TOGARAM1: variants seen among roughly 807,000 people sequenced by gnomAD.
The protein encoded by TOGARAM1 is TOG array regulator of axonemal microtubules protein 1.
A neutral mutation model predicts 166.6 loss-of-function variants in TOGARAM1; 100 were observed. The observed-to-expected ratio is 0.60, with a 90% CI of 0.51 to 0.71. TOGARAM1 has a LOEUF of 0.71. TOGARAM1 is among the 30% of genes least tolerant of loss of function. TOGARAM1 has a pLI of 0.00. For missense variants in TOGARAM1, 2,029 were observed against 2,102.7 expected (o/e 0.96, Z 0.69); for synonymous variants, 758 against 763.8 (o/e 0.99, Z 0.13).
At chr14:44,977,790 C>T (rs1178734809) in intron 1 of TOGARAM1, among the ~76,000 whole-genome samples, 1 of 152,048 alleles carries the variant, frequency 6.6e-6, no homozygotes, top group African/African-American at 2.4e-5. Context: ...GGACTACAGG[C>T]GTGTGCCACC....
intron 10 of TOGARAM1, among the ~76,000 whole-genome samples, chr14:45,030,211 C>T (rs1881079337): frequency 6.6e-6 from 1 of 152,092 alleles, no homozygotes; most frequent in Admixed American, 6.6e-5. Flanking sequence ...AAATAACATT[C>T]TTCAGGTGAA....
Position 44,995,762 on chromosome 14 carries a change from T to C in TOGARAM1, c.2063T>C (p.Phe688Ser). 1 of 1,576,934 alleles carries C rather than the reference T, an allele frequency of 6.3e-7. No homozygotes were observed. The highest frequency in any genetic ancestry group is 1.2e-5 in the South Asian group (1 of 84,174). The part of the protein sequence containing the change: ...KDIEQFSTYD[F>S]IPSAKLKLSQ... ...TTCTTATAGTTTTCAACATATGATT[T>C]CATCCCATCTGCAAAATTAAAGCTT... Residue 688 changes from phenylalanine (F) to serine (S), a missense_variant, in exon 2 of 20, where the codon TTC becomes TCC. Coordinates refer to ENST00000361462, the MANE Select transcript of TOGARAM1 (RefSeq NM_001308120.2).
At chr14:45,047,443 A>AT (rs1305540634) in intron 14 of TOGARAM1, among the ~76,000 whole-genome samples, 2 of 152,040 alleles carry the variant, frequency 1.3e-5, no homozygotes, top group African/African-American at 4.8e-5. Context: ...ACAATATATT[A>AT]TCCTACAAAA....
intron 1 of TOGARAM1, among the ~76,000 whole-genome samples, chr14:44,986,742 C>T (rs1432186290): frequency 6.6e-6 from 1 of 151,484 alleles, no homozygotes; most frequent in Non-Finnish European, 1.5e-5. Context: ...CGCGGTGGCT[C>T]GAGCCTGTAA....
chr14:44,981,278 A>G (rs1040756958), intron 1 of TOGARAM1, among the ~76,000 whole-genome samples: 2 of 152,222 alleles, frequency 1.3e-5, no homozygotes, highest in Admixed American at 6.5e-5. Context: ...GTGAGAATGG[A>G]TGGGCTGTCC....
intron 13 of TOGARAM1, among the ~76,000 whole-genome samples, chr14:45,045,577 ATATATATGTGTGTGTGTGTGTGTGTGTG>A (rs1166581014): frequency 1.2e-3 from 43 of 37,330 alleles, no homozygotes; most frequent in African/African-American, 6.9e-3. Flanking sequence ...ATATATATAT[ATATATATGTGTGTGTGTGTGTGTGTGTG>A]TGTGTGTGTG....
chr14:45,026,312 G>A (rs967733134), intron 8 of TOGARAM1, among the ~76,000 whole-genome samples: 1 of 152,022 alleles, frequency 6.6e-6, no homozygotes, highest in African/African-American at 2.4e-5. Flanking sequence ...CAAAATTATT[G>A]CAAGTATCCT....
intron 14 of TOGARAM1, among the ~76,000 whole-genome samples, chr14:45,052,159 A>T (rs995142710): frequency 2.0e-5 from 3 of 152,212 alleles, no homozygotes; most frequent in African/African-American, 7.2e-5. Flanking sequence ...GGAAAAAGTC[A>T]AAATTCAAAG....
rs138242490 is a variant in TOGARAM1 at position 45,005,326 on chromosome 14, A to C, written c.2645-682A>C. The stretch of plus-strand genomic sequence containing the variant: ...GTTCATTCAGGACAAATTCAGTCTT[A>C]AAATAAAAAGTCGACTGAGCGTAGT... On this transcript the variant is annotated intron_variant, in intron 4 of 19. Transcript: ENST00000361462. Among the ~76,000 whole-genome samples the C allele has an allele frequency of 1.3e-3, 198 of 152,364 alleles. 1 individual carries two copies. The highest frequency in any genetic ancestry group is 6.8e-3 in the Middle Eastern group (2 of 294).
chr14:45,007,953 C>G (rs1046183684), intron 5 of TOGARAM1: 1 of 152,116 alleles, frequency 6.6e-6, no homozygotes, highest in African/African-American at 2.4e-5. Context: ...AGGATTCAAG[C>G]ACTGTTCACC....
At chr14:45,045,722 T>A (rs569483377) in intron 13 of TOGARAM1, among the ~76,000 whole-genome samples, 1 of 138,894 alleles carries the variant, frequency 7.2e-6, no homozygotes, top group African/African-American at 2.7e-5. Context: ...TATACACATA[T>A]ATACACATAT....
At chr14:44,996,964 C>T (rs1887442139) in intron 2 of TOGARAM1, 1 of 152,188 alleles carries the variant, frequency 6.6e-6, no homozygotes, top group Admixed American at 6.5e-5. Flanking sequence ...TGGGGATTAC[C>T]AATTCGACAT....
intron 1 of TOGARAM1, among the ~76,000 whole-genome samples, chr14:44,989,008 C>T (rs1886997209): frequency 6.6e-6 from 1 of 152,228 alleles, no homozygotes; most frequent in Admixed American, 6.5e-5. Context: ...TAGCCAGAAT[C>T]AACCAGCTAA....
At chr14:45,023,456 A>T (rs1880641757) in intron 7 of TOGARAM1, among the ~76,000 whole-genome samples, 1 of 152,158 alleles carries the variant, frequency 6.6e-6, no homozygotes, top group African/African-American at 2.4e-5. Context: ...ACATCATGAG[A>T]TGTCCACACA....
chr14:45,025,359 G>T, intron 7 of TOGARAM1: 1 of 153,646 alleles, frequency 6.5e-6, no homozygotes, highest in Non-Finnish European at 1.4e-5. Flanking sequence ...AGGTCAGGAG[G>T]TCGAGATCAG....
Position 45,044,005 on chromosome 14 carries a change from T to C in TOGARAM1, c.3918+214T>C, listed in dbSNP as rs1881854754. ...ACAAAAGATAATATATATTAAGATG[T>C]GGGGTTTTGTTTGTTTGTTTTTGAA... is the stretch of plus-strand genomic sequence containing the variant. On this transcript the variant is annotated intron_variant, in intron 12 of 19. Coordinates refer to ENST00000361462, the MANE Select transcript of TOGARAM1 (RefSeq NM_001308120.2). Among the ~76,000 whole-genome samples the C allele has an allele frequency of 2.0e-5, 3 of 152,186 alleles. No individual in the cohort carries two copies. In the South Asian group the frequency reaches 6.2e-4, roughly 32 times the overall value.
chr14:44,977,900 A>T (rs974780382), intron 1 of TOGARAM1, among the ~76,000 whole-genome samples: 3 of 151,198 alleles, frequency 2.0e-5, no homozygotes, highest in African/African-American at 7.3e-5. Context: ...TCCTCCCTCC[A>T]CTGCCTCTGA....
chr14:44,988,452 A>T (rs547117153), intron 1 of TOGARAM1, among the ~76,000 whole-genome samples: 1 of 152,150 alleles, frequency 6.6e-6, no homozygotes, highest in African/African-American at 2.4e-5. Flanking sequence ...GAAATAACAA[A>T]TTTTTCTCTT....
At chr14:44,998,984 T>C (rs556061527) in intron 2 of TOGARAM1, among the ~76,000 whole-genome samples, 46 of 152,208 alleles carry the variant, frequency 3.0e-4, no homozygotes, top group African/African-American at 9.9e-4. Context: ...AAAAGTAAAG[T>C]AGAAAGGAAA....
Sources: allele counts gnomAD v4.1 joint callset (sites outside exome capture counted in the v4.1 genomes callset), GRCh38; gene constraint gnomAD v4.1.1; transcripts MANE v1.5; gene names NCBI Gene and HGNC (gene_info 2026-07-23, HGNC 2026-07-21).